The following CRMP1 variants were observed in gnomAD, a reference collection of about 807,000 sequenced individuals.
CRMP1 encodes the protein dihydropyrimidinase-related protein 1.
A neutral mutation model predicts 68.3 loss-of-function variants in CRMP1; 19 were observed. The ratio of observed to expected loss-of-function variants is 0.28; its 90% CI spans 0.19 to 0.41. The LOEUF (loss-of-function observed/expected upper bound fraction) is 0.41, where lower values mean the gene tolerates loss of function less well. CRMP1 is among the 10% of genes least tolerant of loss of function. CRMP1 has a pLI of 1.00. For synonymous variants in CRMP1, 439 were observed against 399.6 expected, an observed-to-expected ratio of 1.10 and a Z score of -1.18; for missense variants, 791 against 967.4, an observed-to-expected ratio of 0.82 and a Z score of 2.42.
At chr4:5,876,530 G>A (rs570494279) in intron 1 of CRMP1, among the ~76,000 whole-genome samples, 1 of 152,274 alleles carries the variant, frequency 6.6e-6, no homozygotes, top group South Asian at 2.1e-4. Flanking sequence ...GAGCAAGCAG[G>A]GAAATGAGCC....
At position 5,870,212 on chromosome 4, in the gene CRMP1, T is replaced by C. The variant is rs1265738535; in HGVS notation, c.382-3456A>G. Among the ~76,000 whole-genome samples, 1 of 152,198 alleles carries C rather than the reference T, an allele frequency of 6.6e-6. No homozygotes were observed. The highest frequency in any genetic ancestry group is 1.5e-5 in the Non-Finnish European group (1 of 68,016). On this transcript the variant is annotated intron_variant, in intron 1 of 13. Transcript: ENST00000324989. This position sits in a 1 kb window ranked among gnomAD's most constrained non-coding sequence, Gnocchi z 6.0. The stretch of plus-strand genomic sequence containing the variant: ...CTTGATGTTACTTATCTGAGTGCCC[T>C]CCGCTCGACTTCCCCTGTTTGGGAC...
Position 5,879,153 on chromosome 4 carries a change from G to A in CRMP1, c.382-12397C>T, listed in dbSNP as rs1041628938. Among the ~76,000 whole-genome samples the A allele has an allele frequency of 1.3e-5, 2 of 149,074 alleles. No homozygotes were observed. Among genetic ancestry groups the A allele is most frequent in the African/African-American group, 4.9e-5 (2 of 40,910 alleles). On this transcript the variant is annotated intron_variant, in intron 1 of 13. Transcript: ENST00000324989. This position sits in a 1 kb window ranked among gnomAD's most constrained non-coding sequence, Gnocchi z 4.2. The stretch of plus-strand genomic sequence containing the variant: ...TCACCTCCTAGGCTCTTCCCGGCCT[G>A]AGCCCGGCCCTCTCTCGGCCGCGCC...
chr4:5,828,655 T>C lies in CRMP1; in HGVS notation c.1637A>G (p.Asn546Ser). ...AKSHKSAVEY[N>S]IFEGMECHGS... ...GTGGCACTCCATACCCTCGAAGATG[T>C]TGTACTCCACCGCCTGCACCAACAG... The change falls in exon 12 of 14, where the codon AAC becomes AGC. Residue 546 changes from asparagine to serine, a missense_variant. This residue lies in a region of CRMP1 where 594 missense variants were observed against 763.6 expected (regional missense o/e 0.78). Transcript: ENST00000324989. The C allele has an allele frequency of 6.2e-7, 1 of 1,614,036 alleles. No individual in the cohort carries two copies. Among genetic ancestry groups the C allele is most frequent in the Non-Finnish European group, 8.5e-7 (1 of 1,179,922 alleles).
chr4:5,841,998 T>C lies in CRMP1; in HGVS notation c.1033-570A>G, dbSNP rs10013057. Among the ~76,000 whole-genome samples, 59,344 of 152,104 alleles carry C rather than the reference T, an allele frequency of 0.39. 11,830 individuals carry two copies. Among genetic ancestry groups the C allele is most frequent in the African/African-American group, 0.47 (19,528 of 41,520 alleles). On this transcript the variant is annotated intron_variant, in intron 7 of 13. Coordinates refer to ENST00000324989, the MANE Select transcript of CRMP1 (RefSeq NM_001014809.3). The surrounding 1 kb of genome is among the most constrained non-coding windows in gnomAD (Gnocchi z 6.9). ...AAGTTTCAGACCAGACTGGCCACCA[T>C]GGTGAAACCCAGTCTCTATTCACGA...
chr4:5,862,661 A>G (rs1436557287), intron 2 of CRMP1, among the ~76,000 whole-genome samples: 4 of 152,226 alleles, frequency 2.6e-5, no homozygotes, highest in Non-Finnish European at 5.9e-5. Flanking sequence ...GTCCAGGCAG[A>G]AGGGCCGCTG....
chr4:5,873,772 TGGCATGCCTGGGGATCTGTAAGTG>T (rs1248409334), intron 1 of CRMP1, among the ~76,000 whole-genome samples: 1 of 152,150 alleles, frequency 6.6e-6, no homozygotes, highest in African/African-American at 2.4e-5. Flanking sequence ...AGAAGCAGCC[TGGCATGCCTGGGGATCTGTAAGTG>T]GTCTTCTTTG....
chr4:5,821,241 AG>A lies in CRMP1; in HGVS notation c.*518del, dbSNP rs1718492289. On this transcript the variant is annotated 3_prime_UTR_variant, in exon 14 of 14. Transcript: ENST00000324989. The surrounding 1 kb of genome is among the most constrained non-coding windows in gnomAD (Gnocchi z 4.4). ...CGAGCTTCTTTCTAGTGTGGACCAG[AG>A]GTGGGGGCAATGAGTAAACATCTTC... is the stretch of plus-strand genomic sequence containing the variant. 6.5e-6 allele frequency: 1 copy of A among 152,918 alleles called. No homozygotes were observed. Among genetic ancestry groups the A allele is most frequent in the Non-Finnish European group, 1.5e-5 (1 of 68,530 alleles). 9.5% of individuals were successfully genotyped at this position (152,918 alleles called of 1,614,324 possible).
At chr4:5,828,787 C>CT in intron 11 of CRMP1, 119 bp from the exon 12 acceptor site, 1 of 1,196,434 alleles carries the variant, frequency 8.4e-7, no homozygotes, top group Non-Finnish European at 1.2e-6. Context: ...TTTTTTCTCT[C>CT]TAAAAATACC....
rs1720452251 is a variant in CRMP1, at chr4:5,832,544, A to G, written c.1623+3371T>C. On this transcript the variant is annotated intron_variant, in intron 11 of 13. Coordinates refer to ENST00000324989, the MANE Select transcript of CRMP1 (RefSeq NM_001014809.3). ...AGTAACATTTTTTTAAAACATATAA[A>G]AACAAAACGAACCTCTAAGCATTTC... 2.0e-5 allele frequency among the ~76,000 whole-genome samples: 3 copies of G among 152,366 alleles called. 1 individual carries two copies. The South Asian group carries it at 6.2e-4, about 32-fold the overall frequency.
chr4:5,862,461 G>T (rs555280427), intron 2 of CRMP1, among the ~76,000 whole-genome samples: 1 of 152,292 alleles, frequency 6.6e-6, no homozygotes, highest in African/African-American at 2.4e-5. Flanking sequence ...CTCTCCAAAC[G>T]TGTGGGCTTG....
At chr4:5,823,845 G>A (rs1719090157) in intron 13 of CRMP1, among the ~76,000 whole-genome samples, 1 of 152,192 alleles carries the variant, frequency 6.6e-6, no homozygotes, top group Non-Finnish European at 1.5e-5. Context: ...CAATGTAAAT[G>A]GACGAAAACA....
intron 1 of CRMP1, among the ~76,000 whole-genome samples, chr4:5,876,608 G>A (rs182435885): frequency 3.3e-5 from 5 of 152,180 alleles, no homozygotes; most frequent in Non-Finnish European, 7.4e-5. Flanking sequence ...AGGGGGAACT[G>A]CTTTCTTTTA....
At chr4:5,824,874 A>G in intron 13 of CRMP1, 1 of 985,376 alleles carries the variant, frequency 1.0e-6, no homozygotes, top group African/African-American at 1.7e-5. Context: ...CAAATCACAG[A>G]TACACTGCCC....
intron 13 of CRMP1, chr4:5,824,535 T>C (rs1719224503): frequency 4.1e-6 from 4 of 984,610 alleles, no homozygotes; most frequent in Non-Finnish European, 4.8e-6. Flanking sequence ...GCTAAGCATA[T>C]CGCCTTTCCT....
In CRMP1 at chr4:5,834,305, G is replaced by A. The variant is rs1210154570; in HGVS notation, c.1623+1610C>T. 6.6e-6 allele frequency among the ~76,000 whole-genome samples: 1 copy of A among 152,206 alleles called. No homozygotes were observed. The highest frequency in any genetic ancestry group is 1.5e-5 in the Non-Finnish European group (1 of 68,042). ...GTATTAAGATGTGAGACCATTAAGA[G>A]CTGATTAGGTCATGAAGGCTCTGCC... On this transcript the variant is annotated intron_variant, in intron 11 of 13. Coordinates refer to ENST00000324989, the MANE Select transcript of CRMP1 (RefSeq NM_001014809.3). The surrounding 1 kb of genome is among the most constrained non-coding windows in gnomAD (Gnocchi z 4.3).
chr4:5,826,442 G>C lies in CRMP1; in HGVS notation c.1804-783C>G, dbSNP rs557477917. ...CCAGGTCTATGGGGGGCAGGGCTGGGGATGCTGTGGGGAGGACACCTCCAC... is the reference window on the plus strand; with the variant it reads ...CCAGGTCTATGGGGGGCAGGGCTGGCGATGCTGTGGGGAGGACACCTCCAC... On this transcript the variant is annotated intron_variant, in intron 12 of 13. Transcript: ENST00000324989. 34 of 149,258 alleles carry C rather than the reference G, an allele frequency of 2.3e-4. 1 individual carries two copies. In the South Asian group the frequency reaches 7.5e-3, roughly 33 times the overall value. 9.2% of individuals were successfully genotyped at this position (149,258 alleles called of 1,614,324 possible).
rs1357493661 is a variant in CRMP1, at chr4:5,890,877, A to T, written c.381+1712T>A. On this transcript the variant is annotated intron_variant, in intron 1 of 13. Transcript: ENST00000324989. This position sits in a 1 kb window ranked among gnomAD's most constrained non-coding sequence, Gnocchi z 5.5. ...CACAAAGCGCCCTCGCCTCCCTAGT[A>T]CTCCACCACGCTTTGAGGAAGGCCG... Among the ~76,000 whole-genome samples, 1 of 151,766 alleles carries T rather than the reference A, an allele frequency of 6.6e-6. No individual in the cohort carries two copies. The highest frequency in any genetic ancestry group is 1.5e-5 in the Non-Finnish European group (1 of 67,938).
In CRMP1 at chr4:5,851,395, G is replaced by T. The variant is rs776811977; in HGVS notation, c.882+13C>A. 25 of 1,613,548 alleles carry T rather than the reference G, an allele frequency of 1.5e-5. 1 individual carries two copies. In the South Asian group the frequency reaches 2.6e-4, roughly 17 times the overall value. ...CCAGACAAGAGAGGAGAGAGTGAGT[G>T]TGAGGGACCTACCTGGCTGTCGGAC... On this transcript the variant is annotated intron_variant, in intron 5 of 13. Transcript: ENST00000324989.
chr4:5,842,271 A>C lies in CRMP1; in HGVS notation c.1032+822T>G, dbSNP rs1202852494. Among the ~76,000 whole-genome samples the C allele has an allele frequency of 6.6e-6, 1 of 151,590 alleles. No homozygotes were observed. The highest frequency in any genetic ancestry group is 2.4e-5 in the African/African-American group (1 of 41,258). ...ACAAAACAAACAAACAAAAAACACA[A>C]ATTAGCCAGGCGTGGTGGCACAGGC... is the stretch of plus-strand genomic sequence containing the variant. On this transcript the variant is annotated intron_variant, in intron 7 of 13. Transcript: ENST00000324989. This position sits in a 1 kb window ranked among gnomAD's most constrained non-coding sequence, Gnocchi z 4.5.
Sources: allele counts gnomAD v4.1 joint callset (sites outside exome capture counted in the v4.1 genomes callset), GRCh38; gene constraint gnomAD v4.1.1; regional missense constraint gnomAD v4.1.1; non-coding constraint Gnocchi (gnomAD v3.1); transcripts MANE v1.5; gene names NCBI Gene and HGNC (gene_info 2026-07-23, HGNC 2026-07-21).